DLG2: variants seen among roughly 807,000 people sequenced by gnomAD.
DLG2 encodes the protein discs large MAGUK scaffold protein 2.
DLG2 carries 45 observed loss-of-function variants against 132.5 expected under a neutral mutation model. The observed-to-expected ratio is 0.34, with a 90% CI of 0.27 to 0.44. The LOEUF (loss-of-function observed/expected upper bound fraction) is 0.44. Ranked by LOEUF, DLG2 falls within the 20% of genes least tolerant of loss-of-function variation. The pLI, the probability that DLG2 is intolerant of heterozygous loss-of-function variation, is 1.00. For missense variants in DLG2, 1,045 were observed against 1,196.9 expected (o/e 0.87, Z 1.87); for synonymous variants, 424 against 419.6 (o/e 1.01, Z -0.13).
At position 83,833,713 on chromosome 11, in the gene DLG2, G is replaced by A. The variant is rs148632875; in HGVS notation, c.1623C>T (p.Val541=). Residue 541 remains valine, a synonymous_variant, in exon 17 of 28, where the codon GTC becomes GTT. Coordinates refer to ENST00000376104, the MANE Select transcript of DLG2 (RefSeq NM_001142699.3). ...AAATACCTTCTCCATCTTCCCCACC[G>A]ACAATGTTGAAGCCCAGGCCAGTGG... ...KGSTGLGFNI[V]GGEDGEGIFV... 1.1e-5 allele frequency: 18 copies of A among 1,613,944 alleles called. No homozygotes were observed. The highest frequency in any genetic ancestry group is 4.0e-5 in the African/African-American group (3 of 74,910).
intron 19 of DLG2, among the ~76,000 whole-genome samples, chr11:83,594,225 A>G (rs1594090884): frequency 6.6e-6 from 1 of 152,192 alleles, no homozygotes; most frequent in South Asian, 2.1e-4. Flanking sequence ...CAAGGAACTG[A>G]TTTCTAATGG....
chr11:84,007,797 T>C (rs2094646636), intron 11 of DLG2, among the ~76,000 whole-genome samples: 1 of 151,756 alleles, frequency 6.6e-6, no homozygotes, highest in African/African-American at 2.4e-5. Context: ...GTTTAGCTTC[T>C]CTGAGAATCA....
intron 14 of DLG2, among the ~76,000 whole-genome samples, chr11:83,942,115 T>A (rs1207800980): frequency 6.6e-6 from 1 of 152,200 alleles, no homozygotes; most frequent in African/African-American, 2.4e-5. Flanking sequence ...GAAAAAATAT[T>A]TATGTTCATT....
At chr11:84,526,559 T>C (rs971636262) in intron 7 of DLG2, among the ~76,000 whole-genome samples, 4 of 152,120 alleles carry the variant, frequency 2.6e-5, no homozygotes, top group Admixed American at 1.3e-4. Context: ...GTGAGTACAC[T>C]ACAAGATATT....
chr11:85,480,556 T>C (rs997203750), intron 3 of DLG2, among the ~76,000 whole-genome samples: 1 of 152,204 alleles, frequency 6.6e-6, no homozygotes, highest in African/African-American at 2.4e-5. Context: ...AAACATATAT[T>C]GTTTATGGAT....
chr11:84,306,302 C>A (rs1394016506), intron 7 of DLG2, among the ~76,000 whole-genome samples: 3 of 151,814 alleles, frequency 2.0e-5, no homozygotes, highest in African/African-American at 7.3e-5. Flanking sequence ...AAACTTGAAC[C>A]AAAAAATTAA....
chr11:84,293,491 T>C (rs1599238689), intron 7 of DLG2, among the ~76,000 whole-genome samples: 1 of 152,068 alleles, frequency 6.6e-6, no homozygotes, highest in Admixed American at 6.6e-5. Context: ...CTAGCCAACA[T>C]GGTGAAACCC....
chr11:83,610,578 T>G (rs576701289), intron 19 of DLG2, among the ~76,000 whole-genome samples: 3 of 152,146 alleles, frequency 2.0e-5, no homozygotes, highest in Non-Finnish European at 2.9e-5. Flanking sequence ...GTAACCATAA[T>G]GGAGGTAATA....
rs1450532439 is a variant in DLG2, at chr11:84,702,904, TA to T, written c.358-168174del. On this transcript the variant is annotated intron_variant, in intron 6 of 27. Transcript: ENST00000376104. Reference sequence around the variant, plus strand: ...TATGAAAAGATCTATAAATACTTGTTAAAAAGCTAATGAATTAATAATTACT... The same window carrying T: ...TATGAAAAGATCTATAAATACTTGTTAAAAGCTAATGAATTAATAATTACT... 2.0e-5 allele frequency among the ~76,000 whole-genome samples: 3 copies of T among 151,762 alleles called. No homozygotes were observed. In the East Asian group the frequency reaches 5.9e-4, roughly 30 times the overall value.
At chr11:85,352,410 C>A (rs530472659) in intron 3 of DLG2, among the ~76,000 whole-genome samples, 2 of 152,300 alleles carry the variant, frequency 1.3e-5, no homozygotes, top group East Asian at 3.9e-4. Context: ...CTATCTCCTT[C>A]AGTTCTGCTC....
At chr11:85,019,735 T>C (rs1173172588) in intron 6 of DLG2, among the ~76,000 whole-genome samples, 9 of 152,294 alleles carry the variant, frequency 5.9e-5, no homozygotes, top group Middle Eastern at 3.4e-3. Context: ...TTTCTGTCTT[T>C]GTGACAGTTT....
At chr11:85,480,299 A>G (rs2153088260) in intron 3 of DLG2, among the ~76,000 whole-genome samples, 1 of 152,330 alleles carries the variant, frequency 6.6e-6, no homozygotes, top group South Asian at 2.1e-4. Context: ...CAGTTACAAA[A>G]TATTCTAGCT....
chr11:85,306,733 C>T (rs1026181996), intron 3 of DLG2, among the ~76,000 whole-genome samples: 3 of 152,098 alleles, frequency 2.0e-5, no homozygotes, highest in African/African-American at 4.8e-5. Flanking sequence ...CCACCACGCC[C>T]GGCTAATTTT....
intron 6 of DLG2, among the ~76,000 whole-genome samples, chr11:84,658,770 C>T (rs1339790410): frequency 6.6e-6 from 1 of 152,190 alleles, no homozygotes; most frequent in Non-Finnish European, 1.5e-5. Context: ...TAAGCCCTCA[C>T]CATAGGCCAG....
At chr11:84,888,220 T>G (rs1235463362) in intron 6 of DLG2, among the ~76,000 whole-genome samples, 3 of 152,112 alleles carry the variant, frequency 2.0e-5, no homozygotes, top group Non-Finnish European at 4.4e-5. Context: ...TGTTTCGGAG[T>G]AAATTAGCAT....
chr11:83,466,480 A>C (rs1338150760), intron 26 of DLG2, among the ~76,000 whole-genome samples: 1 of 152,232 alleles, frequency 6.6e-6, no homozygotes, highest in Non-Finnish European at 1.5e-5. Flanking sequence ...TGTTTTAAGG[A>C]ATTACTATTA....
intron 3 of DLG2, among the ~76,000 whole-genome samples, chr11:85,519,752 G>A (rs1424502027): frequency 6.6e-6 from 1 of 152,116 alleles, no homozygotes. Flanking sequence ...GAATTCCCAC[G>A]TGTTGTGGAA....
intron 3 of DLG2, among the ~76,000 whole-genome samples, chr11:85,574,377 C>T (rs2153226054): frequency 6.6e-6 from 1 of 151,370 alleles, no homozygotes; most frequent in East Asian, 2.0e-4. Flanking sequence ...CTTTCCTACA[C>T]TTCTCCATCT....
chr11:83,650,295 C>T (rs2069777685), intron 18 of DLG2, among the ~76,000 whole-genome samples: 1 of 152,060 alleles, frequency 6.6e-6, no homozygotes, highest in African/African-American at 2.4e-5. Context: ...TAAATATAAT[C>T]ACACAGGTCC....
Sources: allele counts gnomAD v4.1 joint callset (sites outside exome capture counted in the v4.1 genomes callset), GRCh38; gene constraint gnomAD v4.1.1; transcripts MANE v1.5; gene names NCBI Gene and HGNC (gene_info 2026-07-23, HGNC 2026-07-21).